The following SGCZ variants were observed in gnomAD, a reference collection of about 807,000 sequenced individuals.
SGCZ encodes the protein zeta-sarcoglycan.
In SGCZ, 40 loss-of-function variants were observed where a neutral mutation model predicts 41.3. The ratio of observed to expected loss-of-function variants is 0.97; its 90% CI spans 0.75 to 1.26. The LOEUF (loss-of-function observed/expected upper bound fraction) is 1.26. Ranked by LOEUF, SGCZ falls within the 50% of genes most tolerant of loss-of-function variation. SGCZ has a pLI of 0.00. For missense variants in SGCZ, 552 were observed against 369.8 expected, an observed-to-expected ratio of 1.49 and a Z score of -4.04; for synonymous variants, 206 against 137.5, an observed-to-expected ratio of 1.50 and a Z score of -3.49.
intron 1 of SGCZ, among the ~76,000 whole-genome samples, chr8:14,910,688 T>C (rs1022407408): frequency 7.9e-5 from 12 of 151,958 alleles, no homozygotes; most frequent in African/African-American, 2.4e-4. Flanking sequence ...CTATTGATTC[T>C]TTTAAAGCAC....
rs78898130 is a variant in SGCZ at position 15,153,525 on chromosome 8, A to G, written c.39+84060T>C. On this transcript the variant is annotated intron_variant, in intron 1 of 7. Coordinates refer to ENST00000382080, the MANE Select transcript of SGCZ (RefSeq NM_139167.4). ...ATCTCATGTTGAAATGTAACCCCCA[A>G]TGATGGAGGTGGGGCCGGGTAGAAG... 6.1e-3 allele frequency among the ~76,000 whole-genome samples: 932 copies of G among 152,200 alleles called. 23 individuals carry two copies. The East Asian group carries it at 0.078, about 13-fold the overall frequency.
At chr8:14,687,717 A>G (rs13269306) in intron 1 of SGCZ, among the ~76,000 whole-genome samples, 117,705 of 150,602 alleles carry the variant, frequency 0.78, 46,723 homozygotes, top group African/African-American at 0.9. Flanking sequence ...CCCAGTAATG[A>G]GATGGCTGGG....
chr8:14,193,367 C>T (rs1478307586), intron 4 of SGCZ, among the ~76,000 whole-genome samples: 1 of 151,212 alleles, frequency 6.6e-6, no homozygotes, highest in Non-Finnish European at 1.5e-5. Flanking sequence ...CATTGTTTTT[C>T]ATGTAACAGT....
intron 1 of SGCZ, among the ~76,000 whole-genome samples, chr8:15,127,427 A>G (rs79570331): frequency 0.024 from 3,616 of 152,306 alleles, 62 homozygotes; most frequent in African/African-American, 0.043. Flanking sequence ...AACGTAACTC[A>G]GGACTTACTA....
intron 2 of SGCZ, among the ~76,000 whole-genome samples, chr8:14,393,469 T>C (rs990762074): frequency 2.6e-5 from 4 of 152,128 alleles, no homozygotes; most frequent in Non-Finnish European, 5.9e-5. Context: ...CATAATAAGA[T>C]TACGGTGGGG....
intron 1 of SGCZ, among the ~76,000 whole-genome samples, chr8:14,583,173 G>T (rs1804949844): frequency 6.6e-6 from 1 of 150,756 alleles, no homozygotes; most frequent in Non-Finnish European, 1.5e-5. Context: ...AGCACCTGTT[G>T]TTTCCTGACT....
intron 1 of SGCZ, among the ~76,000 whole-genome samples, chr8:15,140,271 C>T (rs1452968411): frequency 6.6e-6 from 1 of 152,132 alleles, no homozygotes; most frequent in East Asian, 1.9e-4. Context: ...GTGATCCTCC[C>T]ACATTGGCCT....
chr8:14,090,325 G>A lies in SGCZ; in HGVS notation c.*118C>T. ...TGGCGAATCCCTGCTCACACTGGAA[G>A]TTGCTCTGTGGACCATTCGAAGAAG... On this transcript the variant is annotated 3_prime_UTR_variant, in exon 8 of 8. Transcript: ENST00000382080. 9.8e-7 allele frequency: 1 copy of A among 1,024,744 alleles called. No individual in the cohort carries two copies. Among genetic ancestry groups the A allele is most frequent in the Non-Finnish European group, 1.4e-6 (1 of 720,162 alleles). The allele number at this position is 1,024,744 out of a possible 1,614,324, so 63.5% of individuals were successfully genotyped here.
intron 2 of SGCZ, among the ~76,000 whole-genome samples, chr8:14,511,660 G>A (rs1802472065): frequency 6.6e-6 from 1 of 152,098 alleles, no homozygotes; most frequent in South Asian, 2.1e-4. Flanking sequence ...TATTTTAGAA[G>A]TGAAAAACTC....
chr8:14,702,594 C>A (rs1271405677), intron 1 of SGCZ, among the ~76,000 whole-genome samples: 2 of 151,870 alleles, frequency 1.3e-5, no homozygotes, highest in African/African-American at 4.8e-5. Flanking sequence ...CCCCCACAAC[C>A]AACCCTCCCT....
intron 1 of SGCZ, among the ~76,000 whole-genome samples, chr8:15,161,967 G>A (rs1799524024): frequency 6.6e-6 from 1 of 152,148 alleles, no homozygotes; most frequent in South Asian, 2.1e-4. Flanking sequence ...GGAAGTGGAG[G>A]TTGCAGTGAC....
chr8:15,017,100 T>C (rs866936758), intron 1 of SGCZ, among the ~76,000 whole-genome samples: 3 of 152,178 alleles, frequency 2.0e-5, no homozygotes, highest in African/African-American at 7.2e-5. Flanking sequence ...TATCAAATAA[T>C]AGTTTAAAAA....
At chr8:14,539,683 C>T (rs1246052078) in intron 2 of SGCZ, among the ~76,000 whole-genome samples, 1 of 151,868 alleles carries the variant, frequency 6.6e-6, no homozygotes, top group Non-Finnish European at 1.5e-5. Flanking sequence ...TTTTCTTGAT[C>T]TTCTTCCTCC....
At chr8:14,638,774 C>T (rs113438516) in intron 1 of SGCZ, among the ~76,000 whole-genome samples, 38 of 151,854 alleles carry the variant, frequency 2.5e-4, no homozygotes, top group African/African-American at 8.7e-4. Context: ...TAATGGTTAG[C>T]TAACATTTCA....
chr8:14,426,975 T>C (rs908168722), intron 2 of SGCZ, among the ~76,000 whole-genome samples: 4 of 152,178 alleles, frequency 2.6e-5, no homozygotes, highest in African/African-American at 4.8e-5. Flanking sequence ...GCTGATTCTT[T>C]ATTATTTGTT....
chr8:15,193,205 G>A (rs1380193683), intron 1 of SGCZ, among the ~76,000 whole-genome samples: 7 of 152,062 alleles, frequency 4.6e-5, no homozygotes, highest in South Asian at 4.1e-4. Flanking sequence ...TCAATGTGAC[G>A]ATGATAATAG....
chr8:14,340,372 G>A (rs1802659684), intron 2 of SGCZ, among the ~76,000 whole-genome samples: 1 of 152,126 alleles, frequency 6.6e-6, no homozygotes, highest in Non-Finnish European at 1.5e-5. Context: ...TGTTTTACAA[G>A]CATTCCCTTA....
intron 2 of SGCZ, among the ~76,000 whole-genome samples, chr8:14,552,458 C>A (rs825905): frequency 0.051 from 7,819 of 152,076 alleles, 638 homozygotes; most frequent in African/African-American, 0.17. Flanking sequence ...GAAGGAAGGA[C>A]AGTTTTCCTT....
At chr8:14,719,619 T>G (rs1435307915) in intron 1 of SGCZ, among the ~76,000 whole-genome samples, 2 of 152,076 alleles carry the variant, frequency 1.3e-5, no homozygotes, top group Non-Finnish European at 2.9e-5. Context: ...GGTGAGCATT[T>G]TTTCATGTGT....
Sources: gnomAD v4.1 joint callset for allele counts (sites outside exome capture counted in the v4.1 genomes callset) on GRCh38, gnomAD v4.1.1 for gene constraint, MANE v1.5 for transcripts, NCBI Gene and HGNC (gene_info 2026-07-23, HGNC 2026-07-21) for gene names.